Variants in ZNF875 observed in about 807,000 individuals in gnomAD.
ZNF875 encodes the protein zinc finger protein 875.
Under a neutral mutation model 11.2 loss-of-function variants are expected in ZNF875, and 14 were observed. That is an observed-to-expected ratio of 1.26 (90% CI 0.83 to 1.96). The LOEUF is 1.96. ZNF875 is among the 30% of genes most tolerant of loss of function. The pLI is 0.00. For synonymous variants in ZNF875, 301 were observed against 281.1 expected (o/e 1.07, Z -0.71); for missense variants, 752 against 760.4 (o/e 0.99, Z 0.13).
chr19:37,337,825 C>G (rs1411561288), intron 2 of ZNF875: 1 of 152,130 alleles, frequency 6.6e-6, no homozygotes, highest in Non-Finnish European at 1.5e-5. Flanking sequence ...CATTAAGCAC[C>G]AACACAGTTG....
chr19:37,339,664 G>A (rs986626303), intron 2 of ZNF875, among the ~76,000 whole-genome samples: 14 of 146,360 alleles, frequency 9.6e-5, no homozygotes, highest in Non-Finnish European at 1.8e-4. Flanking sequence ...TCCCAGGTTC[G>A]AGCAATTCTC....
intron 4 of ZNF875, among the ~76,000 whole-genome samples, chr19:37,349,005 T>C (rs1327953091): frequency 6.6e-6 from 1 of 152,200 alleles, no homozygotes; most frequent in Non-Finnish European, 1.5e-5. Flanking sequence ...GGTTGGTTCC[T>C]TTTGAGGGTT....
exon 1 of ZNF875, chr19:37,318,100 C>A (rs928004670): frequency 3.9e-5 from 6 of 154,552 alleles, no homozygotes. Context: ...CCCGGCCCTT[C>A]CCCATCCGTC....
intron 2 of ZNF875, among the ~76,000 whole-genome samples, chr19:37,342,466 G>A (rs1236575449): frequency 1.3e-5 from 2 of 148,674 alleles, no homozygotes; most frequent in Non-Finnish European, 3.0e-5. Flanking sequence ...AGGCTGGAGT[G>A]CAATGGAGCG....
At position 37,334,697 on chromosome 19, in the gene ZNF875, G is replaced by A; in HGVS notation, c.-142G>A. ...CGTTAAGCTGGTTGGGACCCGGGAA[G>A]GCCTCCCTCTTAAGGTCTTTCCCAC... is the stretch of plus-strand genomic sequence containing the variant. On this transcript the variant is annotated 5_prime_UTR_variant, in exon 1 of 5. Coordinates refer to ENST00000392153, the MANE Select transcript of ZNF875 (RefSeq NM_001353803.2). 2.2e-6 allele frequency: 1 copy of A among 456,082 alleles called. No individual in the cohort carries two copies. The highest frequency in any genetic ancestry group is 4.4e-6 in the Non-Finnish European group (1 of 226,816). 28.3% of individuals were successfully genotyped at this position (456,082 alleles called of 1,614,324 possible).
intron 2 of ZNF875, among the ~76,000 whole-genome samples, chr19:37,336,781 G>A (rs909104229): frequency 5.3e-5 from 8 of 151,584 alleles, no homozygotes; most frequent in African/African-American, 1.9e-4. Flanking sequence ...GGTGGCAAGC[G>A]CCTGTAGTCC....
chr19:37,340,077 G>A (rs1299515781), intron 2 of ZNF875, among the ~76,000 whole-genome samples: 1 of 151,946 alleles, frequency 6.6e-6, no homozygotes, highest in African/African-American at 2.4e-5. Flanking sequence ...CCGCCTCCCA[G>A]GTTCAAGTGA....
chr19:37,361,984 A>T (rs1341102040), intron 4 of ZNF875, 125 bp from the exon 5 acceptor site: 1 of 650,606 alleles, frequency 1.5e-6, no homozygotes, highest in African/African-American at 1.8e-5. Context: ...GCTGGGAAGG[A>T]TGTCTAACTG....
At chr19:37,354,081 G>C (rs12709813) in intron 4 of ZNF875, among the ~76,000 whole-genome samples, 1 of 151,250 alleles carries the variant, frequency 6.6e-6, no homozygotes, top group Non-Finnish European at 1.5e-5. Flanking sequence ...TTTTTCTTCA[G>C]TCTTTTTTCT....
chr19:37,318,083 G>A (rs954235215), exon 1 of ZNF875: 13 of 155,152 alleles, frequency 8.4e-5, no homozygotes, highest in East Asian at 5.7e-4. Context: ...ACTAGGACTG[G>A]CTGCGTCCCG....
At chr19:37,313,533 C>G (rs1001914412), upstream of ZNF875, among the ~76,000 whole-genome samples, 2 of 152,122 alleles carry the variant, frequency 1.3e-5, no homozygotes, top group African/African-American at 4.8e-5. Flanking sequence ...CATCACTGAC[C>G]CTACATACCT....
chr19:37,326,595 C>G (rs1222631580), intron 4 of ZNF875, among the ~76,000 whole-genome samples: 1 of 148,032 alleles, frequency 6.8e-6, no homozygotes, highest in Non-Finnish European at 1.5e-5. Flanking sequence ...TAGTGACTCA[C>G]ATACTTTTCA....
At position 37,363,333 on chromosome 19, in the gene ZNF875, G is replaced by T. The variant is rs3745765; in HGVS notation, c.1481G>T (p.Ser494Ile). Residue 494 changes from serine (S) to isoleucine (I), a missense_variant, in exon 5 of 5, where the codon AGC becomes ATC. Ser to Ile is a moderately radical substitution (Grantham distance 142). Transcript: ENST00000392153. ...GGCTTTACCCGGAAATCAACCCTGA[G>T]CACGCACCAGAGGACACACTCAGGG... ...GRGFTRKSTLSTHQRTHSGEK... is the reference protein window; with the variant it reads ...GRGFTRKSTLITHQRTHSGEK... 317,955 of 1,610,830 alleles carry T rather than the reference G, an allele frequency of 0.2. 37,418 individuals are homozygous for T. Among genetic ancestry groups the T allele is most frequent in the African/African-American group, 0.49 (36,645 of 74,566 alleles).
intron 1 of ZNF875, among the ~76,000 whole-genome samples, chr19:37,318,891 GAAGT>G (rs2030667375): frequency 6.6e-6 from 1 of 152,068 alleles, no homozygotes; most frequent in African/African-American, 2.4e-5. Context: ...TGTTTTAAAG[GAAGT>G]AAGTTCCTGG....
intron 2 of ZNF875, 129 bp from the exon 3 acceptor site, chr19:37,347,061 C>T: frequency 5.8e-6 from 7 of 1,196,826 alleles, no homozygotes; most frequent in Non-Finnish European, 8.6e-6. Context: ...AGGTGATCCG[C>T]CCACCTTGGC....
chr19:37,314,001 G>A (rs73629609), upstream of ZNF875, among the ~76,000 whole-genome samples: 4,072 of 152,148 alleles, frequency 0.027, 175 homozygotes, highest in African/African-American at 0.093. Context: ...TAAAAAGAAT[G>A]GATGTGGGTT....
chr19:37,358,827 C>G (rs2039411584), intron 4 of ZNF875, among the ~76,000 whole-genome samples: 1 of 150,672 alleles, frequency 6.6e-6, no homozygotes, highest in South Asian at 2.1e-4. Context: ...CCAGTTCTCA[C>G]TTTTTAAAAT....
chr19:37,349,450 CATA>C (rs1487442076), intron 4 of ZNF875, among the ~76,000 whole-genome samples: 2 of 152,140 alleles, frequency 1.3e-5, no homozygotes, highest in Non-Finnish European at 2.9e-5. Context: ...AATGGCCTCT[CATA>C]GTAGTTGTAA....
upstream of ZNF875, among the ~76,000 whole-genome samples, chr19:37,316,371 G>A (rs369892589): frequency 6.6e-6 from 1 of 152,054 alleles, no homozygotes; most frequent in East Asian, 1.9e-4. Context: ...TTATTTATTT[G>A]TTTATTTATT....
Sources: gnomAD v4.1 joint callset for allele counts (sites outside exome capture counted in the v4.1 genomes callset) on GRCh38, gnomAD v4.1.1 for gene constraint, MANE v1.5 for transcripts, NCBI Gene and HGNC (gene_info 2026-07-23, HGNC 2026-07-21) for gene names.